The following RUNX1T1 variants were observed in gnomAD, a reference collection of about 807,000 sequenced individuals.
RUNX1T1 encodes the protein RUNX1 partner transcriptional co-repressor 1, also known as protein CBFA2T1.
A neutral mutation model predicts 62.8 loss-of-function variants in RUNX1T1; 4 were observed. That is an observed-to-expected ratio of 0.06 (90% CI 0.03 to 0.15). RUNX1T1 has a LOEUF of 0.15. Among genes scored for constraint, RUNX1T1 ranks in the 10% least tolerant of loss-of-function variants. The pLI is 1.00. For missense variants in RUNX1T1, 508 were observed against 754.3 expected (o/e 0.67, Z 3.82); for synonymous variants, 291 against 286.0 (o/e 1.02, Z -0.18).
exon 11 of RUNX1T1, chr8:91,960,225 C>T: frequency 6.2e-7 from 1 of 1,602,396 alleles, no homozygotes; most frequent in East Asian, 2.2e-5. Context: ...TTTCCTCCGA[C>T]AGTTCTGAGT....
chr8:92,033,306 G>C (rs1482270207), intron 1 of RUNX1T1, among the ~76,000 whole-genome samples: 1 of 152,268 alleles, frequency 6.6e-6, no homozygotes. Flanking sequence ...ACTACCACAT[G>C]GGGGGAAGTT....
At chr8:91,997,331 G>C (rs912397081) in intron 5 of RUNX1T1, among the ~76,000 whole-genome samples, 1 of 151,908 alleles carries the variant, frequency 6.6e-6, no homozygotes, top group Admixed American at 6.6e-5. Flanking sequence ...TGGCAGAAGC[G>C]GGTGTAAGTT....
intron 1 of RUNX1T1, among the ~76,000 whole-genome samples, chr8:92,083,545 T>A (rs1835616334): frequency 6.6e-6 from 1 of 152,030 alleles, no homozygotes; most frequent in African/African-American, 2.4e-5. Context: ...AAAACCACAA[T>A]GAGATACCAT....
In RUNX1T1 at chr8:91,996,784, A is replaced by T. The variant is rs143488531; in HGVS notation, c.660-4895T>A. 3.6e-4 allele frequency among the ~76,000 whole-genome samples: 54 copies of T among 151,982 alleles called. 1 individual carries two copies. The highest frequency in any genetic ancestry group is 1.3e-3 in the African/African-American group (53 of 41,460). On this transcript the variant is annotated intron_variant, in intron 5 of 10. Coordinates refer to ENST00000396218, the Ensembl canonical transcript of RUNX1T1. ...TTTTTTTTTTTCCAGCTCCTCAATA[A>T]CAGAAACTGTAAACTATTAGGAAAA...
At chr8:92,070,759 T>C (rs1028383884) in intron 2 of RUNX1T1, among the ~76,000 whole-genome samples, 3 of 152,278 alleles carry the variant, frequency 2.0e-5, no homozygotes, top group South Asian at 2.1e-4. Flanking sequence ...TCTCTTTACA[T>C]GCCCATAACT....
intron 10 of RUNX1T1, among the ~76,000 whole-genome samples, chr8:91,961,422 G>A (rs1810423100): frequency 6.6e-6 from 1 of 152,220 alleles, no homozygotes; most frequent in South Asian, 2.1e-4. Flanking sequence ...GGGAACTGGG[G>A]CTCATTTGGG....
exon 8 of RUNX1T1, chr8:91,986,136 G>A (rs765711948): frequency 8.7e-6 from 14 of 1,613,642 alleles, no homozygotes; most frequent in Non-Finnish European, 1.2e-5. Context: ...AGTGCAACTG[G>A]GTCTGGGTTG....
At chr8:92,030,134 T>A (rs1226546134) in intron 1 of RUNX1T1, among the ~76,000 whole-genome samples, 2 of 152,104 alleles carry the variant, frequency 1.3e-5, no homozygotes, top group African/African-American at 4.8e-5. Context: ...TCCCTCTCCC[T>A]AGAAAATCCA....
In RUNX1T1 at chr8:92,095,217, T is replaced by A. The variant is rs953449841; in HGVS notation, c.-86+4363A>T. 2.0e-6 allele frequency: 3 copies of A among 1,533,684 alleles called. No individual in the cohort carries two copies. In the African/African-American group the frequency reaches 4.1e-5, roughly 21 times the overall value. ...CATGTTACATCTTCACTTCTCCTGG[T>A]CTTATCGACTTCTGAATCATTTGGA... On this transcript the variant is annotated intron_variant, in intron 1 of 11. Coordinates refer to the RUNX1T1 transcript ENST00000265814.
chr8:92,062,566 G>C, exon 1 of RUNX1T1: 2 of 1,613,992 alleles, frequency 1.2e-6, no homozygotes, highest in Non-Finnish European at 8.5e-7. Flanking sequence ...TGAATCCAGC[G>C]TACCACACAG....
chr8:91,964,704 C>T (rs1811212681), intron 10 of RUNX1T1, among the ~76,000 whole-genome samples: 3 of 152,186 alleles, frequency 2.0e-5, no homozygotes, highest in Admixed American at 1.3e-4. Context: ...TAAAATGCCA[C>T]ACTTTGTCAA....
At chr8:91,958,936 C>CA (rs953835569) in exon 11 of RUNX1T1, 1 of 178,858 alleles carries the variant, frequency 5.6e-6, no homozygotes, top group African/African-American at 2.5e-5. Flanking sequence ...TGAGGACAAC[C>CA]AAAAAGAGTC....
intron 8 of RUNX1T1, chr8:91,977,499 A>C (rs1586778625): frequency 5.2e-6 from 1 of 191,080 alleles, no homozygotes; most frequent in South Asian, 1.9e-4. Flanking sequence ...TGATACAGCT[A>C]ATTAGATTTA....
At chr8:91,983,027 A>G (rs1159217522) in intron 8 of RUNX1T1, among the ~76,000 whole-genome samples, 5 of 139,850 alleles carry the variant, frequency 3.6e-5, no homozygotes, top group Non-Finnish European at 7.5e-5. Context: ...TCCCAGGTTC[A>G]GGTGACTCTC....
At chr8:91,962,276 A>AG (rs1810638192) in intron 10 of RUNX1T1, among the ~76,000 whole-genome samples, 1 of 152,142 alleles carries the variant, frequency 6.6e-6, no homozygotes, top group African/African-American at 2.4e-5. Context: ...AACAGAAATA[A>AG]AAAAGAAATT....
At chr8:92,020,671 A>G (rs1169305028) in intron 1 of RUNX1T1, among the ~76,000 whole-genome samples, 2 of 152,202 alleles carry the variant, frequency 1.3e-5, no homozygotes, top group African/African-American at 4.8e-5. Context: ...CCCTCTGTGT[A>G]ACGTTTCTCT....
intron 9 of RUNX1T1, among the ~76,000 whole-genome samples, chr8:91,973,542 T>G (rs1036455692): frequency 3.3e-5 from 5 of 152,082 alleles, no homozygotes; most frequent in Non-Finnish European, 7.4e-5. Context: ...TCAAATACTT[T>G]ATTCACCTAT....
intron 1 of RUNX1T1, among the ~76,000 whole-genome samples, chr8:92,021,371 T>A (rs1395730338): frequency 1.3e-5 from 2 of 152,188 alleles, no homozygotes; most frequent in Non-Finnish European, 1.5e-5. Flanking sequence ...TACAGGAGAC[T>A]ATCCATGGAC....
At chr8:91,984,450 C>T (rs1175446141) in intron 8 of RUNX1T1, among the ~76,000 whole-genome samples, 3 of 152,174 alleles carry the variant, frequency 2.0e-5, no homozygotes. Context: ...ATGGCTTGAA[C>T]ACTAGCTATT....
Sources: allele counts gnomAD v4.1 joint callset (sites outside exome capture counted in the v4.1 genomes callset), GRCh38; gene constraint gnomAD v4.1.1; transcripts MANE v1.5; gene names NCBI Gene and HGNC (gene_info 2026-07-23, HGNC 2026-07-21).